Variants in ABCG5 observed in about 807,000 individuals in gnomAD.
The protein encoded by ABCG5 is ATP-binding cassette sub-family G member 5.
In ABCG5, 64 loss-of-function variants were observed where a neutral mutation model predicts 64.5. That is an observed-to-expected ratio of 0.99 (90% confidence interval 0.81 to 1.22). The LOEUF (loss-of-function observed/expected upper bound fraction) is 1.22. ABCG5 is among the 50% of genes most tolerant of loss of function. The pLI, the probability that ABCG5 is intolerant of heterozygous loss-of-function variation, is 0.00. For synonymous variants in ABCG5, 385 were observed against 326.3 expected (o/e 1.18, Z -1.94); for missense variants, 908 against 829.5 (o/e 1.09, Z -1.16).
In ABCG5 at chr2:43,824,236, T is replaced by A. The variant is rs1395776570; in HGVS notation, c.1101A>T (p.Lys367Asn). Residue 367 changes from lysine (K) to asparagine (N), a missense_variant, in exon 8 of 13, where the codon AAA becomes AAT. Physicochemically the swap from Lys to Asn is moderately conservative, Grantham distance 94. Coordinates refer to ENST00000405322, the MANE Select transcript of ABCG5 (RefSeq NM_022436.3). ...CCTCTTACCTCAGGAGAACACCCAG[T>A]TTAGAGAAAACTCCAGGAGAATCTT... ...KTKDSPGVFS[K>N]LGVLLRRVTR... is the part of the protein sequence containing the mutation. 3.7e-6 allele frequency: 6 copies of A among 1,614,214 alleles called. No homozygotes were observed. The highest frequency in any genetic ancestry group is 5.1e-6 in the Non-Finnish European group (6 of 1,180,046).
In ABCG5 at chr2:43,824,401, C is replaced by T. The variant is rs768533843; in HGVS notation, c.936G>A (p.Lys312=). The T allele has an allele frequency of 5.0e-6, 8 of 1,613,954 alleles. No homozygotes were observed. The change falls in exon 8 of 13, where the codon AAG becomes AAA. Residue 312 remains lysine (K), a synonymous_variant. Coordinates refer to ENST00000405322, the MANE Select transcript of ABCG5 (RefSeq NM_022436.3). ...TCTTGGAGGTTTCTATTTCCCGTTC[C>T]TTGCTTTGGGTATCCACTGACGTCA... ...MDLTSVDTQS[K]EREIETSKRV... is the part of the protein sequence containing the mutation.
chr2:43,810,837 T>G (rs143422395), downstream of ABCG5, among the ~76,000 whole-genome samples: 1,637 of 152,292 alleles, frequency 0.011, 16 homozygotes, highest in Middle Eastern at 0.024. Flanking sequence ...CATTATGATC[T>G]CAGAAACATC....
At chr2:43,813,377 C>G in intron 12 of ABCG5, 68 bp from the exon 13 acceptor site, 1 of 1,154,586 alleles carries the variant, frequency 8.7e-7, no homozygotes, top group Admixed American at 1.9e-5. Flanking sequence ...CAAGTATTTA[C>G]CAAGCGCTTG....
rs374755597 is a variant in ABCG5, at chr2:43,827,980, T to C, written c.634+3A>G. On this transcript the variant is annotated splice_donor_region_variant and intron_variant, in intron 5 of 12. Transcript: ENST00000405322. ...GCTAGTAACAGTTCTGGGTGCCACT[T>C]ACTAGGATCCTGGAGCAGCTGGGCT... 3.7e-5 allele frequency: 60 copies of C among 1,613,888 alleles called. No homozygotes were observed. In the African/African-American group the frequency reaches 7.1e-4, roughly 19 times the overall value.
chr2:43,837,105 A>G (rs1160769345), intron 2 of ABCG5, among the ~76,000 whole-genome samples: 2 of 149,978 alleles, frequency 1.3e-5, no homozygotes, highest in African/African-American at 4.9e-5. Context: ...GAACTTTTAA[A>G]TATTATTCTC....
At chr2:43,826,598 T>C in intron 5 of ABCG5, 77 bp from the exon 6 acceptor site, 3 of 1,599,796 alleles carry the variant, frequency 1.9e-6, no homozygotes, top group Non-Finnish European at 2.6e-6. Flanking sequence ...AGTTCTGAAC[T>C]GTTCCTTATT....
Position 43,824,232 on chromosome 2 carries a change from C to T in ABCG5, c.1105G>A (p.Gly369Ser). 1 of 1,614,130 alleles carries T rather than the reference C, an allele frequency of 6.2e-7. No homozygotes were observed. The highest frequency in any genetic ancestry group is 8.5e-7 in the Non-Finnish European group (1 of 1,180,028). Residue 369 changes from glycine (G) to serine (S), a missense_variant, in exon 8 of 13, where the codon GGT (glycine) becomes AGT (serine). Coordinates refer to ENST00000405322, the MANE Select transcript of ABCG5 (RefSeq NM_022436.3). Reference sequence around the variant, plus strand: ...TGAGCCTCTTACCTCAGGAGAACACCCAGTTTAGAGAAAACTCCAGGAGAA... The same window carrying T: ...TGAGCCTCTTACCTCAGGAGAACACTCAGTTTAGAGAAAACTCCAGGAGAA... ...KDSPGVFSKL[G>S]VLLRRVTRNL...
the ABCG5 span, among the ~76,000 whole-genome samples, chr2:43,806,558 A>G: frequency 6.6e-6 from 1 of 152,194 alleles, no homozygotes; most frequent in Non-Finnish European, 1.5e-5. Flanking sequence ...AACCCTTATT[A>G]TGTTTGCAGC....
In ABCG5 at chr2:43,823,971, G is replaced by A; in HGVS notation, c.1266C>T (p.Leu422=). 1 of 1,614,210 alleles carries A rather than the reference G, an allele frequency of 6.2e-7. No individual in the cohort carries two copies. Among genetic ancestry groups the A allele is most frequent in the South Asian group, 1.1e-5 (1 of 91,090 alleles). ...LKGAIQDRVG[L]LYQFVGATPY... is the part of the protein sequence containing the mutation. ...GGGTGGCGCCCACAAACTGGTAAAG[G>A]AGACCTACGCGGTCCTGGATAGCAC... Residue 422 remains leucine, a synonymous_variant, in exon 9 of 13, where the codon CTC becomes CTT. Transcript: ENST00000405322.
chr2:43,816,669 G>C (rs958694238), intron 11 of ABCG5, among the ~76,000 whole-genome samples: 2 of 152,136 alleles, frequency 1.3e-5, no homozygotes, highest in African/African-American at 4.8e-5. Context: ...TCAGCCTCCT[G>C]AGTAGCTGAA....
intron 2 of ABCG5, among the ~76,000 whole-genome samples, chr2:43,835,892 G>A (rs188580421): frequency 4.2e-4 from 64 of 152,044 alleles, no homozygotes; most frequent in Non-Finnish European, 8.7e-4. Context: ...CCAGTCTATG[G>A]TATTTTGTTG....
At chr2:43,826,304 G>T in intron 6 of ABCG5, 78 bp downstream of exon 6, 1 of 1,605,094 alleles carries the variant, frequency 6.2e-7, no homozygotes, top group Non-Finnish European at 8.5e-7. Flanking sequence ...CTGGCCACTG[G>T]TACAAATCTT....
chr2:43,835,011 A>G (rs1448221406), intron 2 of ABCG5, among the ~76,000 whole-genome samples: 1 of 152,254 alleles, frequency 6.6e-6, no homozygotes, highest in Non-Finnish European at 1.5e-5. Context: ...TTCAACAAAT[A>G]TTTATTAAGC....
intron 10 of ABCG5, among the ~76,000 whole-genome samples, chr2:43,822,178 C>T (rs1667253719): frequency 6.6e-6 from 1 of 152,116 alleles, no homozygotes. Flanking sequence ...CATCTTACAC[C>T]TTCCCTTCTT....
intron 2 of ABCG5, among the ~76,000 whole-genome samples, chr2:43,834,867 T>G (rs891434683): frequency 4.6e-5 from 7 of 152,386 alleles, no homozygotes; most frequent in South Asian, 4.1e-4. Flanking sequence ...AGTGAGACTT[T>G]GAACGTATAT....
intron 10 of ABCG5, among the ~76,000 whole-genome samples, chr2:43,821,195 T>C (rs1667174215): frequency 6.6e-6 from 1 of 152,228 alleles, no homozygotes; most frequent in African/African-American, 2.4e-5. Context: ...AGTTTGCTTA[T>C]GCTATCAATG....
intron 4 of ABCG5, among the ~76,000 whole-genome samples, chr2:43,829,674 CA>C (rs149813359): frequency 0.012 from 1,864 of 152,136 alleles, 28 homozygotes; most frequent in African/African-American, 0.042. Flanking sequence ...GCAGAAACCC[CA>C]GGGGGAAAGC....
chr2:43,833,210 A>C (rs1030498722), intron 2 of ABCG5, among the ~76,000 whole-genome samples: 1 of 152,118 alleles, frequency 6.6e-6, no homozygotes, highest in Non-Finnish European at 1.5e-5. Flanking sequence ...TGGAGACAGA[A>C]TAGACCTCCC....
At chr2:43,827,877 A>G in intron 5 of ABCG5, 106 bp downstream of exon 5, 1 of 1,536,536 alleles carries the variant, frequency 6.5e-7, no homozygotes, top group Middle Eastern at 1.9e-4. Flanking sequence ...TCAGTTGTAC[A>G]CAAACCCCTT....
Sources: allele counts gnomAD v4.1 joint callset (sites outside exome capture counted in the v4.1 genomes callset), GRCh38; gene constraint gnomAD v4.1.1; transcripts MANE v1.5; gene names NCBI Gene and HGNC (gene_info 2026-07-23, HGNC 2026-07-21).